The following TBX22 variants were observed in gnomAD, a reference collection of about 807,000 sequenced individuals.
The protein encoded by TBX22 is T-box transcription factor 22, also known as T-box transcription factor TBX22.
A neutral mutation model predicts 30.1 loss-of-function variants in TBX22; 8 were observed. The ratio of observed to expected loss-of-function variants is 0.27; its 90% CI spans 0.16 to 0.48. TBX22 has a LOEUF of 0.48. Among genes scored for constraint, TBX22 ranks in the 20% least tolerant of loss-of-function variants. The probability of loss-of-function intolerance (pLI) is 0.99; values close to 1 mark genes in which losing one functional copy is unlikely to be tolerated. For missense variants in TBX22, 463 were observed against 400.5 expected (o/e 1.16, Z -1.33); for synonymous variants, 173 against 149.1 (o/e 1.16, Z -1.17).
intron 4 of TBX22, among the ~76,000 whole-genome samples, chrX:80,024,394 C>G (rs900389766): frequency 2.7e-5 from 3 of 111,404 alleles, no homozygotes; most frequent in Non-Finnish European, 5.7e-5. Context: ...CTTGGAATGC[C>G]GTGAATTCAG....
At chrX:80,030,122 A>G (rs770105341) in intron 8 of TBX22, among the ~76,000 whole-genome samples, 2 of 111,693 alleles carry the variant, frequency 1.8e-5, no homozygotes, top group East Asian at 5.7e-4. Context: ...GATCCCTCAC[A>G]TGCACAGTTC....
intron 1 of TBX22, among the ~76,000 whole-genome samples, chrX:80,017,519 T>C (rs1923507443): frequency 9.0e-6 from 1 of 110,870 alleles, no homozygotes; most frequent in Admixed American, 9.7e-5. Flanking sequence ...CAGGATGCAT[T>C]TATAATTATT....
At chrX:80,018,811 C>CA (rs942780500) in intron 1 of TBX22, among the ~76,000 whole-genome samples, 8 of 110,133 alleles carry the variant, frequency 7.3e-5, no homozygotes, top group African/African-American at 1.3e-4. Flanking sequence ...GAACTGAATG[C>CA]AAAAAAAAGA....
At chrX:80,019,972 ATATGT>A (rs756347754) in intron 1 of TBX22, among the ~76,000 whole-genome samples, 1 of 111,961 alleles carries the variant, frequency 8.9e-6, no homozygotes, top group Admixed American at 9.5e-5. Flanking sequence ...ATATCACATC[ATATGT>A]TAGGTAGTCT....
chrX:80,026,917 T>C, intron 6 of TBX22, 49 bp downstream of exon 6: 1 of 1,155,253 alleles, frequency 8.7e-7, no homozygotes, highest in Non-Finnish European at 1.2e-6. Context: ...CAGAGGGACC[T>C]TGGATTAGAG....
Position 80,031,732 on chromosome X carries a change from A to G in TBX22, c.*621A>G, listed in dbSNP as rs933646029. On this transcript the variant is annotated 3_prime_UTR_variant, in exon 9 of 9. Coordinates refer to ENST00000373296, the MANE Select transcript of TBX22 (RefSeq NM_001109878.2). ...CTTGAAGGAACACAAAGATCAAATG[A>G]AAAGTAAAACACTCTAAATAAATTT... 1 of 111,991 alleles carries G rather than the reference A, an allele frequency of 8.9e-6. No individual in the cohort carries two copies. The highest frequency in any genetic ancestry group is 3.2e-5 in the African/African-American group (1 of 30,963). 9.2% of individuals were successfully genotyped at this position (111,991 alleles called of 1,213,427 possible).
In TBX22 at chrX:80,025,658, A is replaced by G; in HGVS notation, c.514A>G (p.Ile172Val). The G allele has an allele frequency of 1.7e-6, 2 of 1,209,410 alleles. No individual in the cohort carries two copies. The highest frequency in any genetic ancestry group is 2.2e-6 in the Non-Finnish European group (2 of 893,264). Residue 172 changes from isoleucine to valine, a missense_variant, in exon 5 of 9, where the codon ATC (isoleucine) becomes GTC (valine). Physicochemically the swap from Ile to Val is conservative, Grantham distance 29 (BLOSUM62 3). Coordinates refer to ENST00000373296, the MANE Select transcript of TBX22 (RefSeq NM_001109878.2). ...AGCTGGGAATACAGACCATTTGTGC[A>G]TCATTCCTAGATTCTATGTTCACCC... ...MVAGNTDHLCIIPRFYVHPDS... is the reference protein window; with the variant it reads ...MVAGNTDHLCVIPRFYVHPDS...
chrX:80,023,617 C>G (rs962775895), intron 3 of TBX22, among the ~76,000 whole-genome samples: 1 of 111,510 alleles, frequency 9.0e-6, no homozygotes, highest in Non-Finnish European at 1.9e-5. Context: ...TAGACCTGGC[C>G]CAGGTTATTT....
chrX:80,031,426 G>A lies in TBX22; in HGVS notation c.*315G>A. ...TGATGGGATTTTCAATTATACTGAA[G>A]CTAGTTCACCACGTTAACTGCATTT... On this transcript the variant is annotated 3_prime_UTR_variant, in exon 9 of 9. Coordinates refer to ENST00000373296, the MANE Select transcript of TBX22 (RefSeq NM_001109878.2). 4.3e-6 allele frequency: 1 copy of A among 233,034 alleles called. No homozygotes were observed. Among genetic ancestry groups the A allele is most frequent in the South Asian group, 1.1e-4 (1 of 9,093 alleles). 19.2% of individuals were successfully genotyped at this position (233,034 alleles called of 1,213,427 possible). A position where few individuals can be genotyped will look rare whatever the true frequency, so the allele number is the denominator to read the frequency against.
chrX:80,028,787 T>C (rs1924101974), intron 8 of TBX22, among the ~76,000 whole-genome samples: 1 of 111,366 alleles, frequency 9.0e-6, no homozygotes, highest in South Asian at 3.8e-4. Flanking sequence ...AAGTTGCTTG[T>C]CTTTGACCAT....
Position 80,026,866 on chromosome X carries a change from C to G in TBX22, c.796C>G (p.Gln266Glu), listed in dbSNP as rs1924001432. The G allele has an allele frequency of 8.3e-7, 1 of 1,209,916 alleles. No homozygotes were observed. Among genetic ancestry groups the G allele is most frequent in the African/African-American group, 1.7e-5 (1 of 57,211 alleles). ...CACAGTAACGGCTTACCAAAACCAA[C>G]AGGTAAACTTGGTCATGTCTCAGGC... ...FTTVTAYQNQ[Q>E]ITKLKIERNP... is the part of the protein sequence containing the mutation. The change falls in exon 6 of 9, where the codon CAG becomes GAG. Residue 266 changes from glutamine (Q) to glutamate (E), a missense_variant and splice_region_variant. Transcript: ENST00000373296.
chrX:80,024,241 A>G, intron 4 of TBX22, 77 bp downstream of exon 4: 1 of 948,565 alleles, frequency 1.1e-6, no homozygotes, highest in East Asian at 3.1e-5. Flanking sequence ...GAAACCTGAC[A>G]GCATGACTTT....
intron 1 of TBX22, among the ~76,000 whole-genome samples, chrX:80,020,468 A>T (rs1249141454): frequency 8.9e-6 from 1 of 112,068 alleles, no homozygotes; most frequent in Non-Finnish European, 1.9e-5. Flanking sequence ...CAAGTTCCTT[A>T]CACGAAATTG....
intron 1 of TBX22, among the ~76,000 whole-genome samples, chrX:80,018,528 T>C (rs1328182404): frequency 2.7e-5 from 3 of 112,242 alleles, no homozygotes; most frequent in Non-Finnish European, 5.6e-5. Flanking sequence ...GGTTCCAGTG[T>C]TGATCCCAAA....
intron 4 of TBX22, 144 bp downstream of exon 4, chrX:80,024,308 G>GTTGAAT: frequency 1.9e-6 from 1 of 531,957 alleles, no homozygotes; most frequent in Admixed American, 3.1e-5. Context: ...GGCTTTAGGA[G>GTTGAAT]TTGAATTTTC....
At chrX:80,023,714 G>A (rs1374170645) in intron 3 of TBX22, among the ~76,000 whole-genome samples, 1 of 111,643 alleles carries the variant, frequency 9.0e-6, no homozygotes, top group African/African-American at 3.3e-5. Flanking sequence ...ACTAATTTCA[G>A]CCTTCCACAA....
At position 80,023,152 on chromosome X, in the gene TBX22, A is replaced by G; in HGVS notation, c.268A>G (p.Lys90Glu). 1 of 1,211,415 alleles carries G rather than the reference A, an allele frequency of 8.3e-7. No individual in the cohort carries two copies. The highest frequency in any genetic ancestry group is 3.0e-5 in the East Asian group (1 of 33,815). ...CAACAGCTCTGAAAGTCTGGAAGAG[A>G]AAGATATTCAAATGGAGCTTCAAGG... ...YGNSSESLEEKDIQMELQGSE... is the reference protein window; with the variant it reads ...YGNSSESLEEEDIQMELQGSE... The change falls in exon 3 of 9, where the codon AAA becomes GAA. Residue 90 changes from lysine to glutamate, a missense_variant. Coordinates refer to ENST00000373296, the MANE Select transcript of TBX22 (RefSeq NM_001109878.2).
intron 8 of TBX22, among the ~76,000 whole-genome samples, chrX:80,029,371 A>G (rs1213213971): frequency 8.9e-6 from 1 of 112,095 alleles, no homozygotes; most frequent in Non-Finnish European, 1.9e-5. Context: ...GGACCTTATA[A>G]TTATCCCTAG....
intron 7 of TBX22, 54 bp downstream of exon 7, chrX:80,027,374 G>GT (rs397895286): frequency 0.11 from 41,637 of 378,136 alleles, 33 homozygotes; most frequent in Non-Finnish European, 0.13. Flanking sequence ...ATTTTCACAA[G>GT]TTTTTTTTTT....
Sources: gnomAD v4.1 joint callset for allele counts (sites outside exome capture counted in the v4.1 genomes callset) on GRCh38, gnomAD v4.1.1 for gene constraint, MANE v1.5 for transcripts, NCBI Gene and HGNC (gene_info 2026-07-23, HGNC 2026-07-21) for gene names.